Variants in NXPE2 observed in about 807,000 individuals in gnomAD.
NXPE2 encodes NXPE family member 2.
Under a neutral mutation model 34.4 loss-of-function variants are expected in NXPE2, and 34 were observed. The observed-to-expected ratio is 0.99, with a 90% CI of 0.75 to 1.31. NXPE2 has a LOEUF of 1.31. NXPE2 is among the 40% of genes most tolerant of loss of function. The pLI, the probability that NXPE2 is intolerant of heterozygous loss-of-function variation, is 0.00. For synonymous variants in NXPE2, 235 were observed against 231.3 expected, an observed-to-expected ratio of 1.02 and a Z score of -0.15; for missense variants, 649 against 672.5, an observed-to-expected ratio of 0.97 and a Z score of 0.39.
At chr11:114,548,058 T>G in the NXPE2 span, among the ~76,000 whole-genome samples, 1 of 152,052 alleles carries the variant, frequency 6.6e-6, no homozygotes, top group African/African-American at 2.4e-5. Context: ...TCTTGGTATC[T>G]GATAAGGTAA....
At chr11:114,742,179 G>T in the NXPE2 span, among the ~76,000 whole-genome samples, 1 of 152,222 alleles carries the variant, frequency 6.6e-6, no homozygotes, top group South Asian at 2.1e-4. Context: ...CCTTCTGTCA[G>T]TTCCACAGCA....
At chr11:114,616,598 G>A in the NXPE2 span, among the ~76,000 whole-genome samples, 1 of 140,236 alleles carries the variant, frequency 7.1e-6, no homozygotes, top group Non-Finnish European at 1.6e-5. Context: ...TGGATAATGA[G>A]TATTGCCTCA....
At chr11:114,797,049 A>T in the NXPE2 span, among the ~76,000 whole-genome samples, 1 of 152,222 alleles carries the variant, frequency 6.6e-6, no homozygotes, top group South Asian at 2.1e-4. Context: ...ACAATAAGAA[A>T]GTTGGCCTTT....
the NXPE2 span, chr11:114,551,440 C>A: frequency 3.2e-6 from 4 of 1,254,892 alleles, no homozygotes; most frequent in African/African-American, 6.1e-5. Context: ...CCTTCCAGGA[C>A]CCTGAAATGG....
At chr11:114,695,202 C>A (rs915000416) in intron 2 of NXPE2, among the ~76,000 whole-genome samples, 11 of 152,154 alleles carry the variant, frequency 7.2e-5, no homozygotes, top group African/African-American at 2.7e-4. Flanking sequence ...TTTCTAGGGA[C>A]TCCTTTTTAA....
the NXPE2 span, chr11:114,570,916 G>A: frequency 2.6e-6 from 4 of 1,515,482 alleles, no homozygotes; most frequent in Admixed American, 3.8e-5. Flanking sequence ...TTAAGTGAAT[G>A]AATTTCAGAC....
chr11:114,672,323 A>T, the NXPE2 span, among the ~76,000 whole-genome samples: 6 of 151,956 alleles, frequency 3.9e-5, no homozygotes, highest in Non-Finnish European at 4.4e-5. Context: ...CAATCCCTAA[A>T]TTTTTTCAAA....
chr11:114,624,649 C>T, the NXPE2 span, among the ~76,000 whole-genome samples: 1 of 151,954 alleles, frequency 6.6e-6, no homozygotes, highest in African/African-American at 2.4e-5. Flanking sequence ...ATAAGTATTG[C>T]CTTGTGGGTA....
At chr11:114,677,287 A>G (rs910498385), upstream of NXPE2, among the ~76,000 whole-genome samples, 1 of 151,934 alleles carries the variant, frequency 6.6e-6, no homozygotes, top group African/African-American at 2.4e-5. Flanking sequence ...TCACCACACA[A>G]ATAAAAATAA....
the NXPE2 span, among the ~76,000 whole-genome samples, chr11:114,555,323 A>G: frequency 6.6e-6 from 1 of 152,098 alleles, no homozygotes; most frequent in African/African-American, 2.4e-5. Context: ...TCCCGGGTTC[A>G]AGTGATTCCC....
the NXPE2 span, among the ~76,000 whole-genome samples, chr11:114,764,860 TGTG>T: frequency 2.6e-4 from 39 of 152,354 alleles, no homozygotes; most frequent in African/African-American, 8.9e-4. Flanking sequence ...AAGCCATCTT[TGTG>T]AACATCTAAT....
chr11:114,613,150 C>T, the NXPE2 span, among the ~76,000 whole-genome samples: 111 of 151,486 alleles, frequency 7.3e-4, 2 homozygotes, highest in Middle Eastern at 3.4e-3. Context: ...TCATAGATAA[C>T]GACTGTTACC....
the NXPE2 span, among the ~76,000 whole-genome samples, chr11:114,723,394 A>T: frequency 6.6e-6 from 1 of 152,158 alleles, no homozygotes; most frequent in South Asian, 2.1e-4. Flanking sequence ...CATTTTATTA[A>T]TCCAAGGTGT....
the NXPE2 span, among the ~76,000 whole-genome samples, chr11:114,735,315 A>G: frequency 1.3e-5 from 2 of 152,214 alleles, no homozygotes; most frequent in African/African-American, 4.8e-5. Context: ...TTCAAAATCC[A>G]CTTTTTATTA....
the NXPE2 span, among the ~76,000 whole-genome samples, chr11:114,578,730 T>C: frequency 6.6e-6 from 1 of 152,142 alleles, no homozygotes; most frequent in Non-Finnish European, 1.5e-5. Flanking sequence ...TAGACAATAA[T>C]GGTTTTGTAG....
the NXPE2 span, among the ~76,000 whole-genome samples, chr11:114,741,983 A>C: frequency 6.6e-6 from 1 of 152,092 alleles, no homozygotes; most frequent in Admixed American, 6.5e-5. Flanking sequence ...CAATCAGCCC[A>C]ACTAGGGATT....
At chr11:114,674,441 T>C (rs1233644305), upstream of NXPE2, among the ~76,000 whole-genome samples, 1 of 151,750 alleles carries the variant, frequency 6.6e-6, no homozygotes, top group Non-Finnish European at 1.5e-5. Context: ...TCCTATTGTA[T>C]GTGGTCAAAG....
the NXPE2 span, among the ~76,000 whole-genome samples, chr11:114,767,757 T>TA: frequency 6.6e-6 from 1 of 152,266 alleles, no homozygotes; most frequent in African/African-American, 2.4e-5. Context: ...TACATGATTG[T>TA]AAGAAAATCT....
chr11:114,602,356 TATA>T, the NXPE2 span, among the ~76,000 whole-genome samples: 8 of 126,906 alleles, frequency 6.3e-5, no homozygotes, highest in African/African-American at 1.8e-4. Flanking sequence ...ATATACTATA[TATA>T]ATATGTTATA....
Sources: gnomAD v4.1 joint callset for allele counts (sites outside exome capture counted in the v4.1 genomes callset) on GRCh38, gnomAD v4.1.1 for gene constraint, MANE v1.5 for transcripts, NCBI Gene and HGNC (gene_info 2026-07-23, HGNC 2026-07-21) for gene names.